The following FGF10 variants were observed in gnomAD, a reference collection of about 807,000 sequenced individuals.
FGF10 encodes FGF-10.
A neutral mutation model predicts 19.8 loss-of-function variants in FGF10; 2 were observed. That is an observed-to-expected ratio of 0.10 (90% CI 0.04 to 0.32). FGF10 has a LOEUF of 0.32. Ranked by LOEUF, FGF10 falls within the 10% of genes least tolerant of loss-of-function variation. The pLI, the probability that FGF10 is intolerant of heterozygous loss-of-function variation, is 1.00. For synonymous variants in FGF10, 112 were observed against 94.0 expected (o/e 1.19, Z -1.10); for missense variants, 191 against 246.3 (o/e 0.78, Z 1.50).
chr5:44,322,548 G>A (rs186205036), intron 1 of FGF10, among the ~76,000 whole-genome samples: 14 of 152,302 alleles, frequency 9.2e-5, no homozygotes, highest in East Asian at 5.8e-4. Context: ...CTTTGTCCAT[G>A]TTAGAAAAGG....
intron 1 of FGF10, among the ~76,000 whole-genome samples, chr5:44,384,632 C>T (rs970621527): frequency 6.6e-6 from 1 of 152,066 alleles, no homozygotes; most frequent in Non-Finnish European, 1.5e-5. Flanking sequence ...AATCCTGGTT[C>T]TGCCCATGTC....
At chr5:44,374,979 T>G (rs1175932295) in intron 1 of FGF10, among the ~76,000 whole-genome samples, 1 of 152,132 alleles carries the variant, frequency 6.6e-6, no homozygotes, top group African/African-American at 2.4e-5. Flanking sequence ...TTCTCAGAAT[T>G]GTAGAACTTA....
At chr5:44,332,847 AGAAGGAGGG>A (rs1740768015) in intron 1 of FGF10, among the ~76,000 whole-genome samples, 1 of 151,962 alleles carries the variant, frequency 6.6e-6, no homozygotes, top group Non-Finnish European at 1.5e-5. Context: ...AAAAAGAAAC[AGAAGGAGGG>A]GAAGGAGGAG....
At chr5:44,346,173 CT>C (rs1741086688) in intron 1 of FGF10, among the ~76,000 whole-genome samples, 1 of 151,596 alleles carries the variant, frequency 6.6e-6, no homozygotes, top group African/African-American at 2.4e-5. Context: ...ATCTATGTAC[CT>C]CCCACCCCCA....
At chr5:44,370,817 T>C (rs1316062954) in intron 1 of FGF10, among the ~76,000 whole-genome samples, 1 of 152,146 alleles carries the variant, frequency 6.6e-6, no homozygotes, top group African/African-American at 2.4e-5. Flanking sequence ...TAAACAAAGA[T>C]GTTAATAAAT....
intron 1 of FGF10, among the ~76,000 whole-genome samples, chr5:44,312,414 T>A (rs1740234616): frequency 1.3e-5 from 2 of 152,082 alleles, no homozygotes; most frequent in South Asian, 4.1e-4. Context: ...TTTTAGACTC[T>A]ATTGCTCCCC....
chr5:44,376,230 C>T (rs1337688984), intron 1 of FGF10, among the ~76,000 whole-genome samples: 1 of 151,742 alleles, frequency 6.6e-6, no homozygotes, highest in Non-Finnish European at 1.5e-5. Flanking sequence ...GAGACCAAGA[C>T]CCAGGGAGTA....
At chr5:44,347,514 C>T (rs149128645) in intron 1 of FGF10, among the ~76,000 whole-genome samples, 15 of 151,844 alleles carry the variant, frequency 9.9e-5, no homozygotes, top group African/African-American at 3.6e-4. Flanking sequence ...TTTAGCAAAA[C>T]TATATCCATC....
rs926574688 is a variant in FGF10 at position 44,370,022 on chromosome 5, C to T, written c.325+18336G>A. ...TTCTATGTGTGAACATATTTGCCCC[C>T]CTCCTCCACCGCCAACTGTGTGCAG... On this transcript the variant is annotated intron_variant, in intron 1 of 2. Coordinates refer to ENST00000264664, the MANE Select transcript of FGF10 (RefSeq NM_004465.2). 3.9e-5 allele frequency among the ~76,000 whole-genome samples: 6 copies of T among 151,996 alleles called. No individual in the cohort carries two copies. In the South Asian group the frequency reaches 1.2e-3, roughly 32 times the overall value.
chr5:44,337,048 A>G (rs976697134), intron 1 of FGF10, among the ~76,000 whole-genome samples: 2 of 152,152 alleles, frequency 1.3e-5, no homozygotes, highest in Non-Finnish European at 2.9e-5. Flanking sequence ...ATAGAGTACC[A>G]CTATTTCTGC....
chr5:44,347,057 G>A (rs1741105561), intron 1 of FGF10, among the ~76,000 whole-genome samples: 1 of 151,588 alleles, frequency 6.6e-6, no homozygotes, highest in African/African-American at 2.4e-5. Context: ...TGTCTTTGTT[G>A]GTTTGCTTTC....
chr5:44,320,926 G>C (rs1263030667), intron 1 of FGF10, among the ~76,000 whole-genome samples: 1 of 151,600 alleles, frequency 6.6e-6, no homozygotes, highest in African/African-American at 2.4e-5. Flanking sequence ...GCTCAGGCTG[G>C]TCTCAAACTC....
intron 1 of FGF10, among the ~76,000 whole-genome samples, chr5:44,324,724 G>C (rs199762059): frequency 1.3e-5 from 2 of 152,062 alleles, no homozygotes; most frequent in East Asian, 3.9e-4. Context: ...AAAAACAAAG[G>C]CTGGAAAAGA....
chr5:44,342,583 G>T (rs1001010214), intron 1 of FGF10, among the ~76,000 whole-genome samples: 14 of 151,540 alleles, frequency 9.2e-5, no homozygotes, highest in Non-Finnish European at 1.8e-4. Context: ...TATAGGTTAA[G>T]CACTCTAGTA....
chr5:44,305,975 T>C (rs1264239316), intron 2 of FGF10, among the ~76,000 whole-genome samples: 2 of 152,186 alleles, frequency 1.3e-5, no homozygotes, highest in Non-Finnish European at 2.9e-5. Context: ...GCTTTGGTTT[T>C]GTTCAGGAGG....
intron 1 of FGF10, among the ~76,000 whole-genome samples, chr5:44,376,516 A>AAAAAAAAAAAAAAAAAAAAAAT (rs1561219542): frequency 7.4e-6 from 1 of 134,242 alleles, no homozygotes; most frequent in African/African-American, 2.9e-5. Context: ...AAAAAAAAAA[A>AAAAAAAAAAAAAAAAAAAAAAT]ACAAAAAACC....
chr5:44,329,270 G>A (rs986174419), intron 1 of FGF10, among the ~76,000 whole-genome samples: 2 of 152,056 alleles, frequency 1.3e-5, no homozygotes, highest in African/African-American at 4.8e-5. Context: ...TCTGCCTCCC[G>A]AGTTCAAGTG....
At chr5:44,380,427 G>A (rs560339779) in intron 1 of FGF10, among the ~76,000 whole-genome samples, 1 of 152,000 alleles carries the variant, frequency 6.6e-6, no homozygotes, top group Non-Finnish European at 1.5e-5. Flanking sequence ...AACTCCTGTT[G>A]GTGTTTCAAA....
At chr5:44,308,360 T>TA (rs1328136059) in intron 2 of FGF10, among the ~76,000 whole-genome samples, 5 of 152,220 alleles carry the variant, frequency 3.3e-5, no homozygotes, top group African/African-American at 1.2e-4. Flanking sequence ...TAAAAGTATT[T>TA]AAAATCTTTT....
Sources: allele counts gnomAD v4.1 joint callset (sites outside exome capture counted in the v4.1 genomes callset), GRCh38; gene constraint gnomAD v4.1.1; transcripts MANE v1.5; gene names NCBI Gene and HGNC (gene_info 2026-07-23, HGNC 2026-07-21).